CAMKMT: variants seen among roughly 807,000 people sequenced by gnomAD.
CAMKMT encodes calmodulin-lysine N-methyltransferase.
Under a neutral mutation model 48.0 loss-of-function variants are expected in CAMKMT, and 53 were observed. The observed-to-expected ratio is 1.10, with a 90% CI of 0.89 to 1.39. The LOEUF is 1.39. Among genes scored for constraint, CAMKMT ranks in the 40% most tolerant of loss-of-function variants. CAMKMT has a pLI of 0.00. For missense variants in CAMKMT, 428 were observed against 402.7 expected, an observed-to-expected ratio of 1.06 and a Z score of -0.54; for synonymous variants, 165 against 152.3, an observed-to-expected ratio of 1.08 and a Z score of -0.61.
intron 3 of CAMKMT, among the ~76,000 whole-genome samples, chr2:44,432,739 T>G (rs1684724830): frequency 6.6e-6 from 1 of 152,136 alleles, no homozygotes; most frequent in African/African-American, 2.4e-5. Context: ...ACATGTTAAC[T>G]CTTTCTTTGT....
chr2:44,677,087 A>G (rs2104158278), intron 3 of CAMKMT, among the ~76,000 whole-genome samples: 1 of 152,316 alleles, frequency 6.6e-6, no homozygotes, highest in South Asian at 2.1e-4. Context: ...GGGGATTTTC[A>G]TCTCCTGAAC....
At chr2:44,689,555 A>G (rs1185019525) in intron 3 of CAMKMT, among the ~76,000 whole-genome samples, 3 of 152,142 alleles carry the variant, frequency 2.0e-5, no homozygotes, top group African/African-American at 7.2e-5. Context: ...GTAAAGGAAT[A>G]AAACTGACAA....
At chr2:44,533,841 A>T (rs1489717672) in intron 3 of CAMKMT, among the ~76,000 whole-genome samples, 1 of 152,192 alleles carries the variant, frequency 6.6e-6, no homozygotes, top group Non-Finnish European at 1.5e-5. Flanking sequence ...AATATATAAA[A>T]CATTCAGAAC....
intron 3 of CAMKMT, among the ~76,000 whole-genome samples, chr2:44,611,315 C>G (rs1367301418): frequency 6.6e-6 from 1 of 151,988 alleles, no homozygotes; most frequent in Admixed American, 6.6e-5. Context: ...CACCTGTAAT[C>G]CCAGCTACTC....
chr2:44,589,142 C>G (rs1281002013), intron 3 of CAMKMT, among the ~76,000 whole-genome samples: 1 of 53,800 alleles, frequency 1.9e-5, no homozygotes. Flanking sequence ...GTGGGGGGGT[C>G]AGCCCCCCGC....
chr2:44,675,185 C>G (rs1208827589), intron 3 of CAMKMT, among the ~76,000 whole-genome samples: 6 of 152,156 alleles, frequency 3.9e-5, no homozygotes, highest in African/African-American at 1.4e-4. Flanking sequence ...ATCCCCTAAC[C>G]TCTTGGAAAA....
At chr2:44,608,592 T>C (rs752802751) in intron 3 of CAMKMT, among the ~76,000 whole-genome samples, 18 of 152,176 alleles carry the variant, frequency 1.2e-4, no homozygotes, top group Non-Finnish European at 2.4e-4. Flanking sequence ...TATTATAAAA[T>C]ATATTTTCTT....
At chr2:44,681,711 T>C (rs1676029571) in intron 3 of CAMKMT, among the ~76,000 whole-genome samples, 1 of 152,190 alleles carries the variant, frequency 6.6e-6, no homozygotes, top group Non-Finnish European at 1.5e-5. Context: ...GATGATCAGA[T>C]GTTTGCAGAG....
chr2:44,463,279 G>A (rs1379606281), intron 3 of CAMKMT, among the ~76,000 whole-genome samples: 1 of 152,176 alleles, frequency 6.6e-6, no homozygotes, highest in Non-Finnish European at 1.5e-5. Flanking sequence ...AACAATATAT[G>A]ACCCAAAAAC....
Position 44,401,604 on chromosome 2 carries a change from A to G in CAMKMT, c.376+11299A>G, listed in dbSNP as rs538781032. On this transcript the variant is annotated intron_variant, in intron 3 of 10. Transcript: ENST00000378494. ...AATAGCTACATTGCTTCACCAATGAAGAATTTACCCTGCTAACAATTTTTA... is the reference window on the plus strand; with the variant it reads ...AATAGCTACATTGCTTCACCAATGAGGAATTTACCCTGCTAACAATTTTTA... 4.6e-5 allele frequency among the ~76,000 whole-genome samples: 7 copies of G among 152,342 alleles called. No individual in the cohort carries two copies. The South Asian group carries it at 1.4e-3, about 32-fold the overall frequency.
At chr2:44,592,837 A>G (rs866607862) in intron 3 of CAMKMT, among the ~76,000 whole-genome samples, 30 of 152,170 alleles carry the variant, frequency 2.0e-4, no homozygotes, top group African/African-American at 7.2e-4. Flanking sequence ...TGTGGCCTAG[A>G]ATATGGTCTA....
chr2:44,565,963 T>C (rs1418246314), intron 3 of CAMKMT, among the ~76,000 whole-genome samples: 1 of 152,236 alleles, frequency 6.6e-6, no homozygotes, highest in Non-Finnish European at 1.5e-5. Context: ...TAACCGCACA[T>C]GCATGTGTAC....
rs535825906 is a variant in CAMKMT, at chr2:44,583,669, G to C, written c.377-120614G>C. ...AAAATAGCTGGGCATGGTGGCACAC[G>C]CCTGTAGTCCTAGCTACTTGGGAGG... On this transcript the variant is annotated intron_variant, in intron 3 of 10. Coordinates refer to ENST00000378494, the MANE Select transcript of CAMKMT (RefSeq NM_024766.5). Among the ~76,000 whole-genome samples, 10 of 152,128 alleles carry C rather than the reference G, an allele frequency of 6.6e-5. No individual in the cohort carries two copies. The East Asian group carries it at 1.7e-3, about 27-fold the overall frequency.
intron 3 of CAMKMT, chr2:44,400,794 AT>A (rs2104445243): frequency 6.6e-6 from 1 of 151,606 alleles, no homozygotes; most frequent in Admixed American, 6.6e-5. Context: ...GAGAAAGCGT[AT>A]TTTTGAAACA....
At chr2:44,496,114 T>G (rs1243052470) in intron 3 of CAMKMT, among the ~76,000 whole-genome samples, 2 of 152,214 alleles carry the variant, frequency 1.3e-5, no homozygotes, top group Non-Finnish European at 2.9e-5. Flanking sequence ...TTTTCAGATT[T>G]CTATTGTAAA....
intron 3 of CAMKMT, among the ~76,000 whole-genome samples, chr2:44,469,132 A>T (rs769771316): frequency 6.6e-6 from 1 of 152,176 alleles, no homozygotes; most frequent in African/African-American, 2.4e-5. Flanking sequence ...TAGAGTGACT[A>T]TCGTTAACAA....
intron 3 of CAMKMT, among the ~76,000 whole-genome samples, chr2:44,579,619 G>A (rs1669433579): frequency 6.6e-6 from 1 of 152,182 alleles, no homozygotes; most frequent in Admixed American, 6.5e-5. Flanking sequence ...TTTTTGGTTT[G>A]CCCTTTCTCT....
chr2:44,621,753 T>C (rs980669176), intron 3 of CAMKMT, among the ~76,000 whole-genome samples: 66 of 152,312 alleles, frequency 4.3e-4, no homozygotes, highest in African/African-American at 1.5e-3. Context: ...TGGAAAGCTA[T>C]TGGGGGTTTT....
At chr2:44,575,002 C>T (rs939223879) in intron 3 of CAMKMT, among the ~76,000 whole-genome samples, 2 of 152,056 alleles carry the variant, frequency 1.3e-5, no homozygotes, top group African/African-American at 4.8e-5. Flanking sequence ...ATGATCCACC[C>T]ACCTTAGCCT....
Sources: allele counts gnomAD v4.1 joint callset (sites outside exome capture counted in the v4.1 genomes callset), GRCh38; gene constraint gnomAD v4.1.1; transcripts MANE v1.5; gene names NCBI Gene and HGNC (gene_info 2026-07-23, HGNC 2026-07-21).